Variants in BMP5 observed in about 807,000 individuals in gnomAD.
BMP5 encodes bone morphogenetic protein 5.
In BMP5, 23 loss-of-function variants were observed where a neutral mutation model predicts 46.6. That is an observed-to-expected ratio of 0.49 (90% CI 0.35 to 0.70). The LOEUF (loss-of-function observed/expected upper bound fraction) is 0.70. BMP5 is among the 30% of genes least tolerant of loss of function. The probability of loss-of-function intolerance (pLI) is 0.00; values close to 1 mark genes in which losing one functional copy is unlikely to be tolerated. For missense variants in BMP5, 545 were observed against 565.6 expected (o/e 0.96, Z 0.37); for synonymous variants, 204 against 191.9 (o/e 1.06, Z -0.52).
intron 3 of BMP5, among the ~76,000 whole-genome samples, chr6:55,777,510 C>T (rs1215793066): frequency 6.6e-6 from 1 of 151,656 alleles, no homozygotes; most frequent in Non-Finnish European, 1.5e-5. Context: ...ATTGAATATA[C>T]AGTGGAAATG....
intron 3 of BMP5, among the ~76,000 whole-genome samples, chr6:55,782,852 C>A (rs1775358027): frequency 6.6e-6 from 1 of 152,068 alleles, no homozygotes; most frequent in Admixed American, 6.6e-5. Flanking sequence ...CACAGCAAAG[C>A]AACTGTTATC....
At chr6:55,786,478 T>C (rs1451786890) in intron 3 of BMP5, among the ~76,000 whole-genome samples, 1 of 151,652 alleles carries the variant, frequency 6.6e-6, no homozygotes, top group Admixed American at 6.6e-5. Context: ...ATTCAGGCTT[T>C]TTTTTTCTTT....
intron 2 of BMP5, 116 bp from the exon 3 acceptor site, chr6:55,794,543 G>T: frequency 1.1e-6 from 1 of 948,868 alleles, no homozygotes; most frequent in Non-Finnish European, 1.6e-6. Context: ...GTTAGTTAAA[G>T]AACAAGAGGA....
chr6:55,865,170 T>C (rs866908545), intron 1 of BMP5, among the ~76,000 whole-genome samples: 1 of 152,162 alleles, frequency 6.6e-6, no homozygotes, highest in Non-Finnish European at 1.5e-5. Flanking sequence ...TCTTAAAAAT[T>C]AAAACCCTCA....
rs928560102 is a variant in BMP5, at chr6:55,794,194, T to C, written c.832+85A>G. 4.2e-6 allele frequency: 6 copies of C among 1,421,318 alleles called. No homozygotes were observed. In the African/African-American group the frequency reaches 7.1e-5, roughly 17 times the overall value. The allele number at this position is 1,421,318 out of a possible 1,614,324, so 88.0% of individuals were successfully genotyped here. A position where few individuals can be genotyped will look rare whatever the true frequency, so the allele number is the denominator to read the frequency against. On this transcript the variant is annotated intron_variant, in intron 3 of 6. Transcript: ENST00000370830. ...ACTTGGACATCATAAATATAAAACA[T>C]ATATTGGTTATATCACATAAAAAAC...
At chr6:55,809,861 G>T (rs1052167634) in intron 2 of BMP5, among the ~76,000 whole-genome samples, 2 of 151,966 alleles carry the variant, frequency 1.3e-5, no homozygotes, top group African/African-American at 2.4e-5. Flanking sequence ...TACAAAACTT[G>T]TAGTCCACAA....
intron 3 of BMP5, among the ~76,000 whole-genome samples, chr6:55,787,196 T>C (rs1185474567): frequency 6.6e-6 from 1 of 151,580 alleles, no homozygotes; most frequent in African/African-American, 2.4e-5. Context: ...GCTCTTTCCC[T>C]GAGGTAAAAA....
At chr6:55,831,744 T>C (rs966902185) in intron 1 of BMP5, among the ~76,000 whole-genome samples, 3 of 152,058 alleles carry the variant, frequency 2.0e-5, no homozygotes, top group Non-Finnish European at 2.9e-5. Flanking sequence ...TTCAATTCAC[T>C]TATCTGAAGT....
chr6:55,823,833 T>C (rs1776465957), intron 1 of BMP5, among the ~76,000 whole-genome samples: 1 of 151,980 alleles, frequency 6.6e-6, no homozygotes, highest in South Asian at 2.1e-4. Flanking sequence ...TCTTAGCACA[T>C]GTGTTTTTAT....
At chr6:55,849,970 G>C (rs1777187535) in intron 1 of BMP5, among the ~76,000 whole-genome samples, 1 of 151,990 alleles carries the variant, frequency 6.6e-6, no homozygotes, top group Admixed American at 6.6e-5. Context: ...TCTGAAACTT[G>C]TGCTTAAACA....
At chr6:55,774,277 A>G (rs754440232) in intron 3 of BMP5, 34 bp from the exon 4 acceptor site, 4 of 1,591,830 alleles carry the variant, frequency 2.5e-6, no homozygotes, top group African/African-American at 1.3e-5. Context: ...TGGTTTATGA[A>G]AAAGAAAGAA....
chr6:55,781,814 T>C (rs1391954925), intron 3 of BMP5, among the ~76,000 whole-genome samples: 1 of 151,982 alleles, frequency 6.6e-6, no homozygotes, highest in African/African-American at 2.4e-5. Context: ...TTTCACCATG[T>C]TGACCAGGCT....
At chr6:55,770,547 A>G (rs1193551105) in intron 4 of BMP5, among the ~76,000 whole-genome samples, 1 of 151,916 alleles carries the variant, frequency 6.6e-6, no homozygotes, top group African/African-American at 2.4e-5. Flanking sequence ...TCGCTTTCTT[A>G]TCATTATTGT....
intron 1 of BMP5, among the ~76,000 whole-genome samples, chr6:55,834,433 T>C (rs1371517277): frequency 6.6e-6 from 1 of 152,148 alleles, no homozygotes; most frequent in African/African-American, 2.4e-5. Flanking sequence ...ATGCCTTGCC[T>C]CTTATCTCTG....
chr6:55,833,164 T>A (rs1776706561), intron 1 of BMP5, among the ~76,000 whole-genome samples: 1 of 152,140 alleles, frequency 6.6e-6, no homozygotes, highest in Non-Finnish European at 1.5e-5. Flanking sequence ...TATCTAACAC[T>A]AGGGAGCATT....
intron 3 of BMP5, among the ~76,000 whole-genome samples, chr6:55,779,011 C>T (rs999397934): frequency 6.6e-6 from 1 of 152,038 alleles, no homozygotes; most frequent in Non-Finnish European, 1.5e-5. Flanking sequence ...CCAGACTCAC[C>T]GGTTTTGTAT....
intron 1 of BMP5, among the ~76,000 whole-genome samples, chr6:55,871,208 G>T (rs1419417587): frequency 2.0e-5 from 3 of 151,732 alleles, no homozygotes; most frequent in Non-Finnish European, 3.0e-5. Context: ...TTTTGACAAA[G>T]AGATGGTTAA....
In BMP5 at chr6:55,790,071, AG is replaced by A. The variant is rs1055011110; in HGVS notation, c.832+4207del. 2.0e-5 allele frequency among the ~76,000 whole-genome samples: 3 copies of A among 152,224 alleles called. No homozygotes were observed. The East Asian group carries it at 5.8e-4, about 29-fold the overall frequency. ...GACCTTTTTGGTATTTTTTCTTCAC[AG>A]GGGCAGGCTAAACAAAATTTAATAA... On this transcript the variant is annotated intron_variant, in intron 3 of 6. Coordinates refer to ENST00000370830, the MANE Select transcript of BMP5 (RefSeq NM_021073.4).
chr6:55,841,470 T>C (rs1353497372), intron 1 of BMP5, among the ~76,000 whole-genome samples: 1 of 152,208 alleles, frequency 6.6e-6, no homozygotes, highest in Non-Finnish European at 1.5e-5. Context: ...AGTCCATATA[T>C]ATTGTGTTAC....
Sources: gnomAD v4.1 joint callset for allele counts (sites outside exome capture counted in the v4.1 genomes callset) on GRCh38, gnomAD v4.1.1 for gene constraint, MANE v1.5 for transcripts, NCBI Gene and HGNC (gene_info 2026-07-23, HGNC 2026-07-21) for gene names.